Variants in EYS observed in about 807,000 individuals in gnomAD.
The protein encoded by EYS is EGF-like photoreceptor maintenance factor.
A neutral mutation model predicts 282.1 loss-of-function variants in EYS; 250 were observed. The observed-to-expected ratio is 0.89, with a 90% CI of 0.80 to 0.98. The LOEUF is 0.98. Ranked by LOEUF, EYS falls within the 50% of genes least tolerant of loss-of-function variation. EYS has a pLI of 0.00. For synonymous variants in EYS, 1,355 were observed against 1,282.9 expected (o/e 1.06, Z -1.20); for missense variants, 4,016 against 3,709.0 (o/e 1.08, Z -2.15).
At chr6:65,230,375 CTA>C (rs1766737044) in intron 12 of EYS, among the ~76,000 whole-genome samples, 1 of 79,880 alleles carries the variant, frequency 1.3e-5, no homozygotes. Context: ...TAGCAACCAT[CTA>C]TGAGGTCAAT....
intron 35 of EYS, among the ~76,000 whole-genome samples, chr6:63,928,481 TG>T (rs1764785918): frequency 6.6e-6 from 1 of 152,048 alleles, no homozygotes; most frequent in Non-Finnish European, 1.5e-5. Context: ...CAAAATAATT[TG>T]AAGTAAGGAG....
intron 12 of EYS, among the ~76,000 whole-genome samples, chr6:65,105,205 A>C (rs1051255296): frequency 2.0e-5 from 3 of 151,774 alleles, no homozygotes; most frequent in Non-Finnish European, 4.4e-5. Flanking sequence ...CTAAACATGC[A>C]AAAATCAAAC....
intron 13 of EYS, among the ~76,000 whole-genome samples, chr6:65,030,624 A>G (rs369153104): frequency 1.2e-4 from 19 of 152,126 alleles, no homozygotes; most frequent in East Asian, 9.7e-4. Context: ...CCATCGGGGT[A>G]TTGTTGCCAG....
At chr6:65,160,664 C>T (rs950113049) in intron 12 of EYS, among the ~76,000 whole-genome samples, 5 of 150,746 alleles carry the variant, frequency 3.3e-5, no homozygotes, top group Admixed American at 6.6e-5. Context: ...CTCAGCCTTT[C>T]GTTCATCCCA....
At chr6:64,588,211 T>G (rs558942349) in intron 26 of EYS, among the ~76,000 whole-genome samples, 1 of 152,186 alleles carries the variant, frequency 6.6e-6, no homozygotes, top group South Asian at 2.1e-4. Context: ...CCTAGAAGAA[T>G]TAAGAGCCTA....
At chr6:64,855,892 T>C (rs1766043905) in intron 19 of EYS, among the ~76,000 whole-genome samples, 1 of 152,218 alleles carries the variant, frequency 6.6e-6, no homozygotes, top group South Asian at 2.1e-4. Flanking sequence ...ATTGGCCTTC[T>C]TCACTTAGCA....
intron 31 of EYS, among the ~76,000 whole-genome samples, chr6:64,151,322 TATATATATATATATATATATATA>T (rs1471969174): frequency 2.2e-4 from 10 of 45,414 alleles, no homozygotes; most frequent in African/African-American, 1.0e-3. Context: ...TATATTTATA[TATATATATATATATATATATATA>T]TATATATATA....
chr6:64,356,888 G>T (rs184154089), intron 29 of EYS, among the ~76,000 whole-genome samples: 1 of 151,634 alleles, frequency 6.6e-6, no homozygotes, highest in East Asian at 2.0e-4. Flanking sequence ...GGTGAGCTGT[G>T]GAAAACCTGT....
At chr6:65,521,330 A>G (rs1233917213) in intron 2 of EYS, among the ~76,000 whole-genome samples, 1 of 152,140 alleles carries the variant, frequency 6.6e-6, no homozygotes, top group Admixed American at 6.5e-5. Context: ...CTTACACTGA[A>G]TAAATTACTG....
chr6:63,871,266 C>T (rs938818483), intron 35 of EYS, among the ~76,000 whole-genome samples: 1 of 152,110 alleles, frequency 6.6e-6, no homozygotes, highest in Non-Finnish European at 1.5e-5. Flanking sequence ...GACATTGAAA[C>T]GTTTTTGATG....
At chr6:64,812,526 C>T (rs187161946) in intron 22 of EYS, among the ~76,000 whole-genome samples, 68 of 151,764 alleles carry the variant, frequency 4.5e-4, no homozygotes, top group East Asian at 1.9e-3. Context: ...ACAGAAAATA[C>T]GGAAGTGACA....
intron 2 of EYS, among the ~76,000 whole-genome samples, chr6:65,592,211 C>T (rs976782036): frequency 6.6e-6 from 1 of 151,756 alleles, no homozygotes; most frequent in Non-Finnish European, 1.5e-5. Flanking sequence ...TTAAAAAAAG[C>T]CTTTATCAAT....
intron 26 of EYS, among the ~76,000 whole-genome samples, chr6:64,543,689 T>A (rs1764757704): frequency 6.6e-6 from 1 of 152,160 alleles, no homozygotes; most frequent in Admixed American, 6.5e-5. Flanking sequence ...TCAAGAATTT[T>A]GGAGACTTAA....
At chr6:64,597,811 T>A (rs1478848993) in intron 24 of EYS, among the ~76,000 whole-genome samples, 2 of 152,204 alleles carry the variant, frequency 1.3e-5, no homozygotes, top group Non-Finnish European at 2.9e-5. Context: ...TTCATCATTA[T>A]GCCATATAGA....
chr6:65,547,616 A>C (rs1490873237), intron 2 of EYS, among the ~76,000 whole-genome samples: 1 of 152,142 alleles, frequency 6.6e-6, no homozygotes, highest in African/African-American at 2.4e-5. Flanking sequence ...TGATAGGCAA[A>C]ATACAACACT....
intron 28 of EYS, among the ~76,000 whole-genome samples, chr6:64,423,863 T>C (rs1040844068): frequency 4.6e-5 from 7 of 152,196 alleles, no homozygotes; most frequent in African/African-American, 1.7e-4. Flanking sequence ...GCAAGCTTTA[T>C]ATAATTCTGA....
intron 31 of EYS, among the ~76,000 whole-genome samples, chr6:64,220,812 G>A (rs2150333031): frequency 6.6e-6 from 1 of 152,240 alleles, no homozygotes; most frequent in Admixed American, 6.5e-5. Flanking sequence ...TAGATAGGTA[G>A]AATAGTTCAA....
intron 10 of EYS, among the ~76,000 whole-genome samples, chr6:65,340,687 A>G (rs922582236): frequency 6.6e-6 from 1 of 151,166 alleles, no homozygotes; most frequent in Non-Finnish European, 1.5e-5. Context: ...TACACCAAAT[A>G]AATAACTTTC....
chr6:65,330,047 C>T (rs1203833790), intron 11 of EYS: 16 of 984,268 alleles, frequency 1.6e-5, no homozygotes, highest in Non-Finnish European at 1.9e-5. Flanking sequence ...AGAAGACACA[C>T]TGCTATAATC....
Sources: allele counts gnomAD v4.1 joint callset (sites outside exome capture counted in the v4.1 genomes callset), GRCh38; gene constraint gnomAD v4.1.1; transcripts MANE v1.5; gene names NCBI Gene and HGNC (gene_info 2026-07-23, HGNC 2026-07-21).